Variants in GJA3 observed in about 807,000 individuals in gnomAD.
GJA3 encodes the protein gap junction alpha-3 protein.
For synonymous variants in GJA3, 297 were observed against 292.6 expected, an observed-to-expected ratio of 1.02 and a Z score of -0.15; for missense variants, 571 against 620.3, an observed-to-expected ratio of 0.92 and a Z score of 0.84.
rs755282585 is a variant in GJA3, at chr13:20,143,334, G to T, written c.-17-29C>A. On this transcript the variant is annotated intron_variant, in intron 1 of 1. Coordinates refer to ENST00000241125, the MANE Select transcript of GJA3 (RefSeq NM_021954.4). ...TAAGAGGAAAATGCTCATGAACACC[G>T]GGCTGCAACGGCTGAGTGCCGGGTC... 7.6e-6 allele frequency: 11 copies of T among 1,450,160 alleles called. No homozygotes were observed. The East Asian group carries it at 2.3e-4, about 30-fold the overall frequency. The allele number at this position is 1,450,160 out of a possible 1,614,324, so 89.8% of individuals were successfully genotyped here.
At chr13:20,153,593 T>C (rs1276225165) in intron 1 of GJA3, among the ~76,000 whole-genome samples, 2 of 151,900 alleles carry the variant, frequency 1.3e-5, no homozygotes, top group South Asian at 2.1e-4. Flanking sequence ...TGAGAACACT[T>C]GGACACAGGG....
chr13:20,148,424 TAATTTTCATGTTTTTGTAGAG>T (rs1385210725), intron 1 of GJA3, among the ~76,000 whole-genome samples: 1 of 152,106 alleles, frequency 6.6e-6, no homozygotes, highest in Admixed American at 6.5e-5. Context: ...CATGCAGGGC[TAATTTTCATGTTTTTGTAGAG>T]ACGAGGTCTT....
At chr13:20,155,509 T>C (rs140629815) in intron 1 of GJA3, among the ~76,000 whole-genome samples, 8 of 152,282 alleles carry the variant, frequency 5.3e-5, no homozygotes, top group Non-Finnish European at 1.2e-4. Context: ...TCAAATTTGT[T>C]GGCATAAAAT....
At chr13:20,153,348 G>A (rs1958889556) in intron 1 of GJA3, among the ~76,000 whole-genome samples, 1 of 152,154 alleles carries the variant, frequency 6.6e-6, no homozygotes, top group African/African-American at 2.4e-5. Flanking sequence ...GTTTACTGCA[G>A]CACTATTCAC....
chr13:20,145,927 C>G (rs2031288), intron 1 of GJA3, among the ~76,000 whole-genome samples: 18,025 of 152,196 alleles, frequency 0.12, 1,683 homozygotes, highest in East Asian at 0.45. Flanking sequence ...CCAAGCTTTC[C>G]CGGGCAAGAG....
In GJA3 at chr13:20,143,030, T is replaced by C. The variant is rs753107639; in HGVS notation, c.259A>G (p.Thr87Ala). 1.2e-6 allele frequency: 2 copies of C among 1,612,528 alleles called. No individual in the cohort carries two copies. The highest frequency in any genetic ancestry group is 1.7e-5 in the Admixed American group (1 of 59,756). ...TGGCCCAGGTAGATGAGGGTGGGCGTGGACACGAAGATGATCTGCAGCGCC... is the reference window on the plus strand; with the variant it reads ...TGGCCCAGGTAGATGAGGGTGGGCGCGGACACGAAGATGATCTGCAGCGCC... ...FWALQIIFVS[T>A]PTLIYLGHVL... Residue 87 changes from threonine (T) to alanine (A), a missense_variant, in exon 2 of 2, where the codon ACG becomes GCG. Physicochemically the swap from Thr to Ala is moderately conservative, Grantham distance 58. Coordinates refer to ENST00000241125, the MANE Select transcript of GJA3 (RefSeq NM_021954.4).
chr13:20,147,627 G>C lies in GJA3; in HGVS notation c.-17-4322C>G, dbSNP rs1958850904. ...ACAGTGGTGCTTCTGAGAATGGGGT[G>C]ATTTTTCTTTTCACAGTTCTCTGCA... On this transcript the variant is annotated intron_variant, in intron 1 of 1. Transcript: ENST00000241125. 2.0e-5 allele frequency among the ~76,000 whole-genome samples: 3 copies of C among 152,190 alleles called. No homozygotes were observed. The South Asian group carries it at 6.2e-4, about 31-fold the overall frequency.
At position 20,146,202 on chromosome 13, in the gene GJA3, C is replaced by G. The variant is rs186205094; in HGVS notation, c.-17-2897G>C. Among the ~76,000 whole-genome samples the G allele has an allele frequency of 2.3e-3, 349 of 152,312 alleles. 1 individual carries two copies. The highest frequency in any genetic ancestry group is 7.8e-3 in the African/African-American group (325 of 41,572). On this transcript the variant is annotated intron_variant, in intron 1 of 1. Transcript: ENST00000241125. ...AGGGGCCTGGCTGGCTCCCCACACA[C>G]GGCTGATGGCACAGAGCACCATGAG...
chr13:20,154,160 G>T (rs1353476672), intron 1 of GJA3, among the ~76,000 whole-genome samples: 1 of 152,198 alleles, frequency 6.6e-6, no homozygotes, highest in Non-Finnish European at 1.5e-5. Flanking sequence ...CCAAGATAGG[G>T]TTTGGATTGG....
intron 1 of GJA3, among the ~76,000 whole-genome samples, chr13:20,158,912 C>CAAAAAAAAAAAAAAAAAAAAAAAAAA (rs1159654355): frequency 1.6e-4 from 9 of 54,954 alleles, no homozygotes; most frequent in Admixed American, 5.2e-4. Flanking sequence ...GCAAAACTCT[C>CAAAAAAAAAAAAAAAAAAAAAAAAAA]AAAAAAAAAA....
intron 1 of GJA3, among the ~76,000 whole-genome samples, chr13:20,160,318 ATAAAAAGTTT>A (rs1405350326): frequency 6.6e-6 from 1 of 152,226 alleles, no homozygotes. Context: ...TTTCTTAAAA[ATAAAAAGTTT>A]TAAAAAGTTT....
At chr13:20,145,102 A>C (rs1031478027) in intron 1 of GJA3, among the ~76,000 whole-genome samples, 1 of 152,126 alleles carries the variant, frequency 6.6e-6, no homozygotes, top group Non-Finnish European at 1.5e-5. Flanking sequence ...GAATTGCTTG[A>C]ACCTGGAAGG....
chr13:20,160,419 C>T (rs976514872), intron 1 of GJA3, among the ~76,000 whole-genome samples: 1 of 152,206 alleles, frequency 6.6e-6, no homozygotes, highest in Non-Finnish European at 1.5e-5. Flanking sequence ...GCTGAATGCC[C>T]GTGGACGGCT....
Position 20,142,631 on chromosome 13 carries a change from G to C in GJA3, c.658C>G (p.Leu220Val). Residue 220 changes from leucine to valine, a missense_variant, in exon 2 of 2, where the codon CTG becomes GTG. By Grantham distance (32) the Leu-to-Val change is conservative (BLOSUM62 1). Transcript: ENST00000241125. ...VACASLLLNM[L>V]EIYHLGWKKL... ...TTCCAGCCCAGGTGGTAGATCTCCAGCATGTTGAGCAGCAGGGACGCGCAG... is the reference window on the plus strand; with the variant it reads ...TTCCAGCCCAGGTGGTAGATCTCCACCATGTTGAGCAGCAGGGACGCGCAG... 6.2e-7 allele frequency: 1 copy of C among 1,613,476 alleles called. No individual in the cohort carries two copies. The highest frequency in any genetic ancestry group is 8.5e-7 in the Non-Finnish European group (1 of 1,179,918).
At chr13:20,143,536 A>G (rs771889445) in intron 1 of GJA3, among the ~76,000 whole-genome samples, 17 of 152,184 alleles carry the variant, frequency 1.1e-4, no homozygotes, top group Non-Finnish European at 2.4e-4. Context: ...AGGAAGCCAG[A>G]GCCAGAAGAG....
intron 1 of GJA3, among the ~76,000 whole-genome samples, chr13:20,157,711 G>C (rs1193496356): frequency 6.6e-6 from 1 of 152,098 alleles, no homozygotes; most frequent in African/African-American, 2.4e-5. Flanking sequence ...TAACATACTG[G>C]AATACATATG....
At position 20,142,636 on chromosome 13, in the gene GJA3, T is replaced by C. The variant is rs757026999; in HGVS notation, c.653A>G (p.Asn218Ser). ...LAVACASLLL[N>S]MLEIYHLGWK... is the part of the protein sequence containing the mutation. Reference sequence around the variant, plus strand: ...GCCCAGGTGGTAGATCTCCAGCATGTTGAGCAGCAGGGACGCGCAGGCCAC... The same window carrying C: ...GCCCAGGTGGTAGATCTCCAGCATGCTGAGCAGCAGGGACGCGCAGGCCAC... The change falls in exon 2 of 2, where the codon AAC becomes AGC. Residue 218 changes from asparagine (N) to serine (S), a missense_variant. Coordinates refer to ENST00000241125, the MANE Select transcript of GJA3 (RefSeq NM_021954.4). The C allele has an allele frequency of 2.5e-6, 4 of 1,613,414 alleles. No individual in the cohort carries two copies. Among genetic ancestry groups the C allele is most frequent in the African/African-American group, 1.3e-5 (1 of 74,898 alleles).
chr13:20,143,410 T>C (rs538927613), intron 1 of GJA3, 105 bp from the exon 2 acceptor site: 43 of 705,670 alleles, frequency 6.1e-5, no homozygotes, highest in Admixed American at 3.1e-5. Context: ...ATGGGGCTGA[T>C]GGGCAGCTTC....
chr13:20,154,076 G>A (rs142890703), intron 1 of GJA3, among the ~76,000 whole-genome samples: 2,506 of 152,192 alleles, frequency 0.016, 44 homozygotes, highest in Non-Finnish European at 0.027. Flanking sequence ...CTCCAAATGT[G>A]TCTTTCGACA....
Sources: gnomAD v4.1 joint callset for allele counts (sites outside exome capture counted in the v4.1 genomes callset) on GRCh38, gnomAD v4.1.1 for gene constraint, MANE v1.5 for transcripts, NCBI Gene and HGNC (gene_info 2026-07-23, HGNC 2026-07-21) for gene names.